Variants in ACCSL observed in about 807,000 individuals in gnomAD.
The protein encoded by ACCSL is probable inactive 1-aminocyclopropane-1-carboxylate synthase-like protein 2.
Under a neutral mutation model 61.7 loss-of-function variants are expected in ACCSL, and 55 were observed. The ratio of observed to expected loss-of-function variants is 0.89; its 90% CI spans 0.72 to 1.12. ACCSL has a LOEUF of 1.12. Among genes scored for constraint, ACCSL ranks in the 50% most tolerant of loss-of-function variants. The probability of loss-of-function intolerance (pLI) is 0.00; values close to 1 mark genes in which losing one functional copy is unlikely to be tolerated. For synonymous variants in ACCSL, 258 were observed against 264.3 expected (o/e 0.98, Z 0.23); for missense variants, 632 against 698.0 (o/e 0.91, Z 1.07).
In ACCSL at chr11:44,055,276, T is replaced by C; in HGVS notation, c.1124T>C (p.Ile375Thr). The part of the protein sequence containing the change: ...VFDESITFHS[I>T]LSMKSLPDSN... ...GATGAATCCATCACATTCCACAGCA[T>C]TCTGAGCATGAAAAGGTGAGCTGGT... Residue 375 changes from isoleucine to threonine, a missense_variant, in exon 9 of 14, where the codon ATT becomes ACT. Coordinates refer to ENST00000378832, the MANE Select transcript of ACCSL (RefSeq NM_001031854.2). 1 of 1,612,802 alleles carries C rather than the reference T, an allele frequency of 6.2e-7. No homozygotes were observed. Among genetic ancestry groups the C allele is most frequent in the East Asian group, 2.2e-5 (1 of 44,870 alleles).
intron 11 of ACCSL, among the ~76,000 whole-genome samples, chr11:44,056,860 G>A (rs1176247301): frequency 6.6e-6 from 1 of 152,144 alleles, no homozygotes; most frequent in Non-Finnish European, 1.5e-5. Flanking sequence ...ACTACAGGAT[G>A]AGCTTTAATT....
the ACCSL span, among the ~76,000 whole-genome samples, chr11:43,977,447 G>A: frequency 6.6e-6 from 1 of 152,148 alleles, no homozygotes; most frequent in Non-Finnish European, 1.5e-5. Context: ...CCCATTGCTG[G>A]CTTTAAAGAT....
the ACCSL span, among the ~76,000 whole-genome samples, chr11:44,002,426 A>G: frequency 6.6e-6 from 1 of 152,164 alleles, no homozygotes; most frequent in Non-Finnish European, 1.5e-5. Context: ...TTCTAGGGAA[A>G]GGTTACGCTG....
At chr11:44,023,794 T>G in the ACCSL span, among the ~76,000 whole-genome samples, 1 of 152,220 alleles carries the variant, frequency 6.6e-6, no homozygotes, top group Non-Finnish European at 1.5e-5. Flanking sequence ...TAGTTATAAA[T>G]TTTCCTCTAA....
the ACCSL span, among the ~76,000 whole-genome samples, chr11:43,982,226 C>CTTTT: frequency 9.0e-4 from 78 of 86,310 alleles, 1 homozygote; most frequent in Non-Finnish European, 1.5e-3. Context: ...CCAAGGCCCT[C>CTTTT]TTTTTTTTTT....
chr11:43,954,522 TC>T, the ACCSL span, among the ~76,000 whole-genome samples: 8 of 152,086 alleles, frequency 5.3e-5, no homozygotes, highest in Non-Finnish European at 1.2e-4. Flanking sequence ...CTTACCCTAA[TC>T]TTTTATTATG....
At chr11:43,969,299 T>C in the ACCSL span, among the ~76,000 whole-genome samples, 2 of 152,192 alleles carry the variant, frequency 1.3e-5, no homozygotes, top group Admixed American at 1.3e-4. Context: ...AGGTCAAGGC[T>C]GCAGTGAGCC....
At chr11:43,942,146 C>T in the ACCSL span, 3 of 153,748 alleles carry the variant, frequency 2.0e-5, no homozygotes, top group African/African-American at 4.8e-5. Context: ...CCGAGCTCAG[C>T]TCTGGGGAGC....
At chr11:43,940,413 T>C in the ACCSL span, among the ~76,000 whole-genome samples, 1 of 151,560 alleles carries the variant, frequency 6.6e-6, no homozygotes, top group East Asian at 1.9e-4. Context: ...TGGTGTGCAG[T>C]GGCGCAATCT....
At chr11:44,002,549 C>T in the ACCSL span, among the ~76,000 whole-genome samples, 4 of 152,180 alleles carry the variant, frequency 2.6e-5, no homozygotes, top group Non-Finnish European at 4.4e-5. Context: ...GGTTTCACCA[C>T]TCACTTCCCC....
the ACCSL span, among the ~76,000 whole-genome samples, chr11:43,985,201 C>G: frequency 3.3e-5 from 5 of 152,320 alleles, no homozygotes; most frequent in Middle Eastern, 3.4e-3. Flanking sequence ...CCTCCGCCCC[C>G]CTCCCAGTGT....
the ACCSL span, among the ~76,000 whole-genome samples, chr11:44,017,288 T>G: frequency 6.6e-6 from 1 of 152,182 alleles, no homozygotes; most frequent in East Asian, 1.9e-4. Context: ...GGATGTCCCA[T>G]GCAAGGCCTG....
At chr11:44,019,603 T>C in the ACCSL span, among the ~76,000 whole-genome samples, 3 of 152,216 alleles carry the variant, frequency 2.0e-5, no homozygotes, top group Admixed American at 1.3e-4. Context: ...GTTATTTGTC[T>C]TGTTATTACT....
rs377326692 is a variant in ACCSL at position 44,052,712 on chromosome 11, C to T, written c.823C>T (p.Arg275Cys). ...PFYGGFAFSS[R>C]LYAKVELIPV... The stretch of plus-strand genomic sequence containing the variant: ...CTATGGTGGCTTTGCCTTTAGCTCC[C>T]GCCTGTATGCAAAGGTTGAGTTGAT... Residue 275 changes from arginine to cysteine, a missense_variant, in exon 6 of 14, where the codon CGC becomes TGC. Arg to Cys is a radical substitution (Grantham distance 180). Coordinates refer to ENST00000378832, the MANE Select transcript of ACCSL (RefSeq NM_001031854.2). 74 of 1,614,076 alleles carry T rather than the reference C, an allele frequency of 4.6e-5. No individual in the cohort carries two copies. The East Asian group carries it at 8.0e-4, about 18-fold the overall frequency.
In ACCSL at chr11:44,048,517, T is replaced by C. The variant is rs1047956030; in HGVS notation, c.481T>C (p.Tyr161His). The change falls in exon 1 of 14, where the codon TAT (tyrosine) becomes CAT (histidine). Residue 161 changes from tyrosine to histidine, a missense_variant. By Grantham distance (83) the Tyr-to-His change is moderately conservative (BLOSUM62 2). Coordinates refer to ENST00000378832, the MANE Select transcript of ACCSL (RefSeq NM_001031854.2). ...CTACAATGCCTACCAAAAAGATAAA[T>C]ATCATAAGGACAAGAACACCTTGGT... is the stretch of plus-strand genomic sequence containing the variant. ...QDYNAYQKDK[Y>H]HKDKNTLGFI... The C allele has an allele frequency of 2.4e-5, 32 of 1,348,506 alleles. No individual in the cohort carries two copies. Among genetic ancestry groups the C allele is most frequent in the Non-Finnish European group, 3.0e-5 (31 of 1,021,930 alleles). The allele number at this position is 1,348,506 out of a possible 1,614,324, so 83.5% of individuals were successfully genotyped here.
chr11:44,031,307 G>A, the ACCSL span, among the ~76,000 whole-genome samples: 1 of 152,138 alleles, frequency 6.6e-6, no homozygotes, highest in Admixed American at 6.5e-5. Flanking sequence ...ATGTCAGTCC[G>A]GCTCCCCCAG....
At chr11:44,052,617 A>C (rs772787198) in intron 5 of ACCSL, 45 bp from the exon 6 acceptor site, 11 of 1,560,922 alleles carry the variant, frequency 7.0e-6, no homozygotes, top group Non-Finnish European at 9.7e-6. Context: ...ACAGGCTCTG[A>C]TTGGGAGACT....
the ACCSL span, among the ~76,000 whole-genome samples, chr11:44,007,704 C>T: frequency 2.6e-5 from 4 of 152,304 alleles, no homozygotes; most frequent in South Asian, 2.1e-4. Flanking sequence ...AGCCCCAGAG[C>T]GCCTCAGGGA....
chr11:44,004,857 A>G, the ACCSL span, among the ~76,000 whole-genome samples: 1 of 152,210 alleles, frequency 6.6e-6, no homozygotes, highest in Non-Finnish European at 1.5e-5. Context: ...GTGATTTGCT[A>G]GCACTTTACA....
Sources: gnomAD v4.1 joint callset for allele counts (sites outside exome capture counted in the v4.1 genomes callset) on GRCh38, gnomAD v4.1.1 for gene constraint, MANE v1.5 for transcripts, NCBI Gene and HGNC (gene_info 2026-07-23, HGNC 2026-07-21) for gene names.